SLC36A1: variants seen among roughly 807,000 people sequenced by gnomAD.
SLC36A1 encodes the protein proton-coupled amino acid transporter 1.
A neutral mutation model predicts 47.5 loss-of-function variants in SLC36A1; 30 were observed. The observed-to-expected ratio is 0.63, with a 90% CI of 0.47 to 0.86. The LOEUF (loss-of-function observed/expected upper bound fraction) is 0.86. SLC36A1 is among the 40% of genes least tolerant of loss of function. The pLI is 0.00. For missense variants in SLC36A1, 517 were observed against 606.0 expected (o/e 0.85, Z 1.54); for synonymous variants, 255 against 249.7 (o/e 1.02, Z -0.20).
the SLC36A1 span, chr5:151,554,327 ACTC>A: frequency 6.3e-7 from 1 of 1,583,800 alleles, no homozygotes; most frequent in Non-Finnish European, 8.6e-7. Flanking sequence ...CCAGCATGCC[ACTC>A]CTCCCTCCGT....
chr5:151,383,392 G>C, the SLC36A1 span, among the ~76,000 whole-genome samples: 4 of 152,104 alleles, frequency 2.6e-5, no homozygotes, highest in East Asian at 7.7e-4. Flanking sequence ...CACATTTGTC[G>C]TACAGCTTAT....
At chr5:151,395,574 A>G in the SLC36A1 span, among the ~76,000 whole-genome samples, 1 of 152,156 alleles carries the variant, frequency 6.6e-6, no homozygotes, top group South Asian at 2.1e-4. Context: ...TTTCTATAAC[A>G]CCAGTCCTCA....
the SLC36A1 span, chr5:151,543,330 A>G: frequency 1.9e-6 from 3 of 1,614,166 alleles, no homozygotes; most frequent in South Asian, 3.3e-5. Flanking sequence ...GAGAGTCTTT[A>G]CTGACATTGG....
At chr5:151,540,148 G>A in the SLC36A1 span, among the ~76,000 whole-genome samples, 1 of 152,216 alleles carries the variant, frequency 6.6e-6, no homozygotes, top group African/African-American at 2.4e-5. Context: ...GTTCTGCAGA[G>A]AAATAGACCT....
At chr5:151,380,474 A>G in the SLC36A1 span, 2 of 453,428 alleles carry the variant, frequency 4.4e-6, no homozygotes, top group African/African-American at 4.0e-5. Context: ...ACTTGGAAAC[A>G]TGTGCCTATC....
At chr5:151,539,310 G>A in the SLC36A1 span, among the ~76,000 whole-genome samples, 1 of 152,214 alleles carries the variant, frequency 6.6e-6, no homozygotes, top group Admixed American at 6.5e-5. Context: ...GGAGATATAT[G>A]TATTTATGTG....
the SLC36A1 span, chr5:151,381,118 CCT>C: frequency 4.1e-6 from 2 of 493,590 alleles, no homozygotes; most frequent in South Asian, 3.6e-5. Context: ...TCCTCCAGGA[CCT>C]CTCTCTGGCA....
rs559030198 is a variant in SLC36A1, at chr5:151,491,890, A to G, written c.*3636A>G. 2 of 152,380 alleles carry G rather than the reference A, an allele frequency of 1.3e-5. No homozygotes were observed. The highest frequency in any genetic ancestry group is 2.9e-5 in the Non-Finnish European group (2 of 68,056). 9.4% of individuals were successfully genotyped at this position (152,380 alleles called of 1,614,324 possible). The stretch of plus-strand genomic sequence containing the variant: ...TGGTTTGTCTTTGAAATTACGGTTA[A>G]TACTTTTAGACAGTAAGTCCGGCTG... On this transcript the variant is annotated 3_prime_UTR_variant, in exon 11 of 11. Transcript: ENST00000243389.
At chr5:151,385,438 G>GA in the SLC36A1 span, among the ~76,000 whole-genome samples, 1 of 152,276 alleles carries the variant, frequency 6.6e-6, no homozygotes. Context: ...TTTCCAAGGG[G>GA]AAAAAACCCA....
the SLC36A1 span, among the ~76,000 whole-genome samples, chr5:151,364,476 T>A: frequency 6.6e-6 from 1 of 152,324 alleles, no homozygotes; most frequent in African/African-American, 2.4e-5. Flanking sequence ...TACATCCTCA[T>A]CAAATCTTGG....
the SLC36A1 span, among the ~76,000 whole-genome samples, chr5:151,418,716 G>C: frequency 6.6e-6 from 1 of 152,152 alleles, no homozygotes; most frequent in East Asian, 1.9e-4. Flanking sequence ...TGAGACTTTG[G>C]ACTTAGGCTT....
At chr5:151,430,285 C>T in the SLC36A1 span, among the ~76,000 whole-genome samples, 948 of 150,798 alleles carry the variant, frequency 6.3e-3, 15 homozygotes, top group East Asian at 0.026. Context: ...CTGCCTCAGC[C>T]TCCCGAGTAG....
the SLC36A1 span, among the ~76,000 whole-genome samples, chr5:151,508,384 A>G: frequency 6.6e-6 from 1 of 152,204 alleles, no homozygotes; most frequent in African/African-American, 2.4e-5. Flanking sequence ...CCGACTGCAA[A>G]GCAGGGCAGG....
the SLC36A1 span, among the ~76,000 whole-genome samples, chr5:151,363,529 A>G: frequency 6.6e-6 from 1 of 152,030 alleles, no homozygotes; most frequent in South Asian, 2.1e-4. Flanking sequence ...CTGTAGGGGA[A>G]ACTGAAGCCA....
chr5:151,544,504 A>G, the SLC36A1 span: 2 of 1,613,970 alleles, frequency 1.2e-6, no homozygotes, highest in African/African-American at 1.3e-5. Context: ...TTCTTCCTCC[A>G]CAATGTTGTA....
chr5:151,394,699 G>A, the SLC36A1 span, among the ~76,000 whole-genome samples: 36 of 152,316 alleles, frequency 2.4e-4, no homozygotes, highest in South Asian at 3.9e-3. Context: ...TATCAGCAGC[G>A]GAGGCTGCAG....
intron 7 of SLC36A1, 57 bp downstream of exon 7, chr5:151,467,982 G>A (rs185471666): frequency 2.1e-5 from 31 of 1,485,056 alleles, no homozygotes; most frequent in South Asian, 3.5e-5. Flanking sequence ...AAAGCCAGGC[G>A]TGGTAGCTCA....
chr5:151,445,662 C>G (rs1206657641), upstream of SLC36A1, among the ~76,000 whole-genome samples: 1 of 152,148 alleles, frequency 6.6e-6, no homozygotes, highest in Non-Finnish European at 1.5e-5. Flanking sequence ...TCTTCAATCT[C>G]TTTATTTGTT....
intron 7 of SLC36A1, among the ~76,000 whole-genome samples, chr5:151,468,942 A>G (rs1269421136): frequency 6.6e-6 from 1 of 152,144 alleles, no homozygotes; most frequent in Non-Finnish European, 1.5e-5. Flanking sequence ...GTGGGGTGGC[A>G]TGAGAGAGAA....
Sources: allele counts gnomAD v4.1 joint callset (sites outside exome capture counted in the v4.1 genomes callset), GRCh38; gene constraint gnomAD v4.1.1; transcripts MANE v1.5; gene names NCBI Gene and HGNC (gene_info 2026-07-23, HGNC 2026-07-21).